CHST8: variants seen among roughly 807,000 people sequenced by gnomAD.
The protein encoded by CHST8 is GALNAC-4-ST1.
In CHST8, 10 loss-of-function variants were observed where a neutral mutation model predicts 15.0. That is an observed-to-expected ratio of 0.67 (90% confidence interval 0.41 to 1.13). CHST8 has a LOEUF of 1.13. CHST8 is among the 50% of genes most tolerant of loss of function. CHST8 has a pLI of 0.00. For synonymous variants in CHST8, 259 were observed against 256.6 expected, an observed-to-expected ratio of 1.01 and a Z score of -0.09; for missense variants, 634 against 608.2, an observed-to-expected ratio of 1.04 and a Z score of -0.45.
intron 2 of CHST8, among the ~76,000 whole-genome samples, chr19:33,682,031 T>C (rs1489719384): frequency 2.0e-5 from 3 of 152,126 alleles, no homozygotes; most frequent in Admixed American, 6.5e-5. Context: ...AATTTTTGTA[T>C]TTTTAGTAGA....
chr19:33,675,349 T>A (rs1013621794), intron 2 of CHST8, among the ~76,000 whole-genome samples: 3 of 152,210 alleles, frequency 2.0e-5, no homozygotes, highest in Non-Finnish European at 4.4e-5. Flanking sequence ...TGCCTGTAGC[T>A]TGGACTATGT....
At chr19:33,752,333 G>A (rs953427645) in intron 3 of CHST8, among the ~76,000 whole-genome samples, 5 of 152,226 alleles carry the variant, frequency 3.3e-5, no homozygotes, top group Non-Finnish European at 5.9e-5. Context: ...AAGATGACAC[G>A]TCTAAGAGGC....
chr19:33,676,580 T>C (rs1972812278), intron 2 of CHST8, among the ~76,000 whole-genome samples: 1 of 150,752 alleles, frequency 6.6e-6, no homozygotes, highest in South Asian at 2.1e-4. Flanking sequence ...AATATAATAA[T>C]AATAATAATT....
intron 3 of CHST8, among the ~76,000 whole-genome samples, chr19:33,728,927 C>G (rs1026912205): frequency 1.3e-5 from 2 of 152,218 alleles, no homozygotes; most frequent in Non-Finnish European, 2.9e-5. Flanking sequence ...GTTAGTCTGA[C>G]TTCTGGCCCT....
intron 3 of CHST8, among the ~76,000 whole-genome samples, chr19:33,765,564 A>T (rs1333381290): frequency 1.0e-4 from 14 of 138,942 alleles, no homozygotes; most frequent in Non-Finnish European, 1.5e-4. Flanking sequence ...TCAGAGAGAG[A>T]GAGAGAGAGA....
Position 33,760,311 on chromosome 19 carries a change from CT to C in CHST8, c.131-11100del, listed in dbSNP as rs1330977161. 2.1e-3 allele frequency among the ~76,000 whole-genome samples: 178 copies of C among 85,310 alleles called. 2 individuals carry two copies. The highest frequency in any genetic ancestry group is 7.6e-3 in the African/African-American group (172 of 22,560). 56.0% of individuals were successfully genotyped at this position (85,310 alleles called of 152,430 possible). On this transcript the variant is annotated intron_variant, in intron 3 of 4. Transcript: ENST00000650847. ...CCTTCCCTCCCTTCCTCCCTTCTTC[CT>C]TCCTTTCTCTTTTCTTTTCTTTTGA...
At chr19:33,715,024 G>T (rs1973639828) in intron 3 of CHST8, among the ~76,000 whole-genome samples, 1 of 152,182 alleles carries the variant, frequency 6.6e-6, no homozygotes. Context: ...ATGGTGACTT[G>T]TCACTTCTCC....
At position 33,693,070 on chromosome 19, in the gene CHST8, G is replaced by A. The variant is rs561220242; in HGVS notation, c.130+3679G>A. 6.0e-5 allele frequency among the ~76,000 whole-genome samples: 9 copies of A among 149,278 alleles called. No homozygotes were observed. In the East Asian group the frequency reaches 7.8e-4, roughly 13 times the overall value. The stretch of plus-strand genomic sequence containing the variant: ...TGCCCAGGCTGGAGTGCAATGGTGC[G>A]ATCTCAGCCCACCGCAAACTCCACC... On this transcript the variant is annotated intron_variant, in intron 3 of 4. Coordinates refer to ENST00000650847, the MANE Select transcript of CHST8 (RefSeq NM_001127895.2).
intron 2 of CHST8, among the ~76,000 whole-genome samples, chr19:33,671,477 G>T (rs1236708763): frequency 6.6e-6 from 1 of 152,178 alleles, no homozygotes; most frequent in African/African-American, 2.4e-5. Flanking sequence ...CTCATTCAGA[G>T]TCAAAGCCAA....
intron 3 of CHST8, among the ~76,000 whole-genome samples, chr19:33,722,063 G>C (rs1333332384): frequency 6.9e-6 from 1 of 145,778 alleles, no homozygotes; most frequent in Non-Finnish European, 1.5e-5. Context: ...CAGACTGATG[G>C]ATGAGATGGA....
At chr19:33,718,512 C>T (rs1025655029) in intron 3 of CHST8, among the ~76,000 whole-genome samples, 5 of 152,222 alleles carry the variant, frequency 3.3e-5, no homozygotes, top group African/African-American at 1.2e-4. Flanking sequence ...GCTCAGCTAG[C>T]ATGTCCCCTT....
intron 1 of CHST8, among the ~76,000 whole-genome samples, chr19:33,661,213 T>G (rs1972580957): frequency 6.6e-6 from 1 of 152,184 alleles, no homozygotes; most frequent in Admixed American, 6.5e-5. Flanking sequence ...CAAAGTGACC[T>G]GTGGACAAGG....
chr19:33,626,085 C>T (rs1015942162), intron 1 of CHST8, among the ~76,000 whole-genome samples: 1 of 152,262 alleles, frequency 6.6e-6, no homozygotes, highest in East Asian at 1.9e-4. Context: ...AACCCGGGGA[C>T]AGAGCTGCAT....
intron 3 of CHST8, among the ~76,000 whole-genome samples, chr19:33,757,420 A>G (rs140417287): frequency 0.096 from 1,152 of 12,042 alleles, 64 homozygotes; most frequent in Admixed American, 0.12. Context: ...GAAAGAAAGA[A>G]AGAAAGAAAG....
In CHST8 at chr19:33,719,616, C is replaced by T. The variant is rs1245990660; in HGVS notation, c.130+30225C>T. Among the ~76,000 whole-genome samples the T allele has an allele frequency of 6.6e-5, 10 of 152,094 alleles. No individual in the cohort carries two copies. In the East Asian group the frequency reaches 1.7e-3, roughly 26 times the overall value. On this transcript the variant is annotated intron_variant, in intron 3 of 4. Transcript: ENST00000650847. ...GACTGGACTGCAGCCCCAGGGCTGA[C>T]TTCCCAGCCATCTGACCAGAGGGAA...
chr19:33,760,565 C>A (rs966238051), intron 3 of CHST8, among the ~76,000 whole-genome samples: 3 of 151,826 alleles, frequency 2.0e-5, no homozygotes, highest in African/African-American at 7.3e-5. Flanking sequence ...AGTAATCCAT[C>A]CATCTTGGCC....
intron 1 of CHST8, among the ~76,000 whole-genome samples, chr19:33,637,627 C>T (rs1031836780): frequency 6.7e-6 from 1 of 150,024 alleles, no homozygotes; most frequent in Non-Finnish European, 1.5e-5. Flanking sequence ...TGGTCTCGAT[C>T]TCATGACCTT....
chr19:33,727,212 C>T (rs141020012), intron 3 of CHST8, among the ~76,000 whole-genome samples: 55 of 152,166 alleles, frequency 3.6e-4, no homozygotes, highest in African/African-American at 1.2e-3. Context: ...GTGTTCCTGC[C>T]AGGGGAAAAA....
Position 33,670,594 on chromosome 19 carries a change from C to T in CHST8, c.-87+2751C>T, listed in dbSNP as rs545615189. Among the ~76,000 whole-genome samples, 44 of 152,262 alleles carry T rather than the reference C, an allele frequency of 2.9e-4. 1 individual carries two copies. The South Asian group carries it at 7.9e-3, about 27-fold the overall frequency. On this transcript the variant is annotated intron_variant, in intron 2 of 4. Transcript: ENST00000650847. ...ATTTTCCCTTCTTGATGAATGCTTA[C>T]GGGCCAGTTTCTGGAAGCCCTTTCC...
Sources: gnomAD v4.1 joint callset for allele counts (sites outside exome capture counted in the v4.1 genomes callset) on GRCh38, gnomAD v4.1.1 for gene constraint, MANE v1.5 for transcripts, NCBI Gene and HGNC (gene_info 2026-07-23, HGNC 2026-07-21) for gene names.